DHCR24: variants seen among roughly 807,000 people sequenced by gnomAD.
The protein encoded by DHCR24 is delta(24)-sterol reductase.
DHCR24 carries 28 observed loss-of-function variants against 61.2 expected under a neutral mutation model. The ratio of observed to expected loss-of-function variants is 0.46; its 90% CI spans 0.34 to 0.63. The LOEUF (loss-of-function observed/expected upper bound fraction) is 0.63. DHCR24 is among the 20% of genes least tolerant of loss of function. The pLI, the probability that DHCR24 is intolerant of heterozygous loss-of-function variation, is 0.01. For synonymous variants in DHCR24, 261 were observed against 275.9 expected, an observed-to-expected ratio of 0.95 and a Z score of 0.54; for missense variants, 538 against 679.1, an observed-to-expected ratio of 0.79 and a Z score of 2.31.
chr1:54,871,173 C>G (rs1303540399), intron 5 of DHCR24, among the ~76,000 whole-genome samples, 177 bp downstream of exon 5: 2 of 152,222 alleles, frequency 1.3e-5, no homozygotes, highest in Non-Finnish European at 2.9e-5. Context: ...ATGAAAGCTT[C>G]CATCACTGTC....
chr1:54,855,656 TGA>T (rs1646903677), intron 6 of DHCR24, among the ~76,000 whole-genome samples: 1 of 152,224 alleles, frequency 6.6e-6, no homozygotes, highest in African/African-American at 2.4e-5. Context: ...CACTGAAGGC[TGA>T]GTGACCCTTT....
At chr1:54,864,127 T>C (rs2101564475) in intron 6 of DHCR24, among the ~76,000 whole-genome samples, 1 of 152,290 alleles carries the variant, frequency 6.6e-6, no homozygotes, top group East Asian at 1.9e-4. Flanking sequence ...ACAGCCTCAG[T>C]GGAAAAGAGT....
At chr1:54,863,961 C>T (rs2101564333) in intron 6 of DHCR24, among the ~76,000 whole-genome samples, 1 of 152,274 alleles carries the variant, frequency 6.6e-6, no homozygotes, top group East Asian at 1.9e-4. Flanking sequence ...TGCTCAGCAT[C>T]ATTAATTTCA....
chr1:54,879,435 C>T (rs760253911), intron 2 of DHCR24, among the ~76,000 whole-genome samples: 3 of 150,264 alleles, frequency 2.0e-5, no homozygotes, highest in Middle Eastern at 3.3e-3. Context: ...AATTAGAAAT[C>T]GCAGAAGAAA....
intron 2 of DHCR24, among the ~76,000 whole-genome samples, chr1:54,879,554 T>C (rs1647054246): frequency 6.6e-6 from 1 of 152,038 alleles, no homozygotes; most frequent in South Asian, 2.1e-4. Context: ...GTAGAACAAC[T>C]TGAAATGGCC....
chr1:54,882,887 G>A (rs1161521095), intron 2 of DHCR24, among the ~76,000 whole-genome samples: 1 of 152,094 alleles, frequency 6.6e-6, no homozygotes, highest in Non-Finnish European at 1.5e-5. Context: ...GGATTACCAA[G>A]GAGCATGAGG....
intron 5 of DHCR24, among the ~76,000 whole-genome samples, chr1:54,869,314 C>T (rs1646984208): frequency 6.6e-6 from 1 of 152,202 alleles, no homozygotes. Context: ...TAGGCATAAA[C>T]ACAGCTCTTC....
At chr1:54,868,326 C>T (rs112673016) in intron 5 of DHCR24, among the ~76,000 whole-genome samples, 3,091 of 151,936 alleles carry the variant, frequency 0.02, 55 homozygotes, top group Middle Eastern at 0.041. Context: ...AAAAATTAGC[C>T]GGGCGTGGTG....
intron 4 of DHCR24, 113 bp downstream of exon 4, chr1:54,874,980 C>T: frequency 3.2e-6 from 3 of 928,162 alleles, no homozygotes; most frequent in Non-Finnish European, 5.4e-6. Context: ...GATATAGACC[C>T]AGACTGAACA....
At chr1:54,859,638 TA>T (rs1646925163) in intron 6 of DHCR24, among the ~76,000 whole-genome samples, 1 of 152,200 alleles carries the variant, frequency 6.6e-6, no homozygotes, top group African/African-American at 2.4e-5. Flanking sequence ...TTCATTTTTG[TA>T]TTTTTAGTAG....
At chr1:54,863,785 GT>G (rs1276535747) in intron 6 of DHCR24, among the ~76,000 whole-genome samples, 2 of 152,282 alleles carry the variant, frequency 1.3e-5, no homozygotes, top group Admixed American at 6.5e-5. Flanking sequence ...TGGAGAAAAT[GT>G]TTGCAGATCA....
At chr1:54,863,317 A>G (rs1402521851) in intron 6 of DHCR24, among the ~76,000 whole-genome samples, 5 of 152,192 alleles carry the variant, frequency 3.3e-5, no homozygotes, top group Admixed American at 2.6e-4. Flanking sequence ...CTTTTAAAAC[A>G]AAAATCAGGC....
rs189656827 is a variant in DHCR24, at chr1:54,875,223, T to C, written c.494-12A>G. Reference sequence around the variant, plus strand: ...CATGATCAAGCCCCCTGCAGAGACATCACACACAGTGTCAGCAGGGAGAGC... The same window carrying C: ...CATGATCAAGCCCCCTGCAGAGACACCACACACAGTGTCAGCAGGGAGAGC... On this transcript the variant is annotated splice_polypyrimidine_tract_variant and intron_variant, in intron 3 of 8. Coordinates refer to ENST00000371269, the MANE Select transcript of DHCR24 (RefSeq NM_014762.4). 4.0e-5 allele frequency: 65 copies of C among 1,612,144 alleles called. No homozygotes were observed. The South Asian group carries it at 5.8e-4, about 14-fold the overall frequency.
rs774410273 is a variant in DHCR24, at chr1:54,883,641, G to A, written c.364C>T (p.Leu122=). The A allele has an allele frequency of 1.9e-6, 3 of 1,614,232 alleles. No individual in the cohort carries two copies. The South Asian group carries it at 3.3e-5, about 18-fold the overall frequency. ...ACCTGTTTCTTGGTGTCCACTTCCA[G>A]AATGTCCATCAGGTTGATCATGATG... ...KNIMINLMDI[L]EVDTKKQIVR... The change falls in exon 2 of 9, where the codon CTG becomes TTG. Residue 122 remains leucine, a synonymous_variant. Transcript: ENST00000371269. The surrounding 1 kb of genome is among the most constrained non-coding windows in gnomAD (Gnocchi z 4.3).
intron 6 of DHCR24, 84 bp downstream of exon 6, chr1:54,865,219 G>C: frequency 1.3e-6 from 2 of 1,498,498 alleles, no homozygotes; most frequent in Non-Finnish European, 1.8e-6. Flanking sequence ...CCTGAAGGGA[G>C]AGAGTATGGC....
intron 1 of DHCR24, 35 bp downstream of exon 1, chr1:54,886,853 CG>C: frequency 6.2e-7 from 1 of 1,605,086 alleles, no homozygotes; most frequent in Non-Finnish European, 8.5e-7. Context: ...ACGCCGCCTC[CG>C]GCCCTGAGTC....
At chr1:54,873,753 G>C (rs971219604) in intron 4 of DHCR24, among the ~76,000 whole-genome samples, 2 of 152,188 alleles carry the variant, frequency 1.3e-5, no homozygotes, top group Admixed American at 1.3e-4. Context: ...AGGCTCAAGT[G>C]ATCCTCCTGC....
chr1:54,858,845 A>T (rs1288540104), intron 6 of DHCR24, among the ~76,000 whole-genome samples: 1 of 152,146 alleles, frequency 6.6e-6, no homozygotes, highest in Non-Finnish European at 1.5e-5. Context: ...CATGTTGGTC[A>T]GGCTGGTCTC....
intron 3 of DHCR24, among the ~76,000 whole-genome samples, chr1:54,875,676 G>C (rs1013769104): frequency 6.6e-6 from 1 of 152,126 alleles, no homozygotes; most frequent in African/African-American, 2.4e-5. Context: ...TGTTCCATGG[G>C]GGGGAATTGG....
Sources: allele counts gnomAD v4.1 joint callset (sites outside exome capture counted in the v4.1 genomes callset), GRCh38; gene constraint gnomAD v4.1.1; non-coding constraint Gnocchi (gnomAD v3.1); transcripts MANE v1.5; gene names NCBI Gene and HGNC (gene_info 2026-07-23, HGNC 2026-07-21).